The following CDH12 variants were observed in gnomAD, a reference collection of about 807,000 sequenced individuals.
CDH12 encodes the protein cadherin-12.
A neutral mutation model predicts 74.1 loss-of-function variants in CDH12; 41 were observed. That is an observed-to-expected ratio of 0.55 (90% CI 0.43 to 0.72). The LOEUF is 0.72. Ranked by LOEUF, CDH12 falls within the 30% of genes least tolerant of loss-of-function variation. The pLI is 0.00. For synonymous variants in CDH12, 399 were observed against 355.0 expected (o/e 1.12, Z -1.39); for missense variants, 945 against 977.2 (o/e 0.97, Z 0.44).
chr5:22,058,057 A>T (rs1740876570), intron 5 of CDH12, among the ~76,000 whole-genome samples: 1 of 149,684 alleles, frequency 6.7e-6, no homozygotes, highest in African/African-American at 2.5e-5. Flanking sequence ...TCTATCTTTT[A>T]TTTATTTATT....
chr5:22,717,841 G>C (rs940161934), intron 1 of CDH12, among the ~76,000 whole-genome samples: 1 of 152,058 alleles, frequency 6.6e-6, no homozygotes, highest in African/African-American at 2.4e-5. Flanking sequence ...ATAAGAAAAT[G>C]CTCAAATATT....
At chr5:22,776,805 C>T (rs1747126635) in intron 1 of CDH12, among the ~76,000 whole-genome samples, 2 of 151,846 alleles carry the variant, frequency 1.3e-5, no homozygotes, top group African/African-American at 4.8e-5. Flanking sequence ...TTTTCATTGC[C>T]CAAAACACAA....
At chr5:22,357,615 A>G (rs1349341367) in intron 3 of CDH12, among the ~76,000 whole-genome samples, 2 of 152,330 alleles carry the variant, frequency 1.3e-5, no homozygotes, top group East Asian at 3.9e-4. Flanking sequence ...TAATTTAAGT[A>G]AAACGCATTG....
At chr5:22,692,515 GA>G (rs961667710) in intron 1 of CDH12, among the ~76,000 whole-genome samples, 40 of 147,398 alleles carry the variant, frequency 2.7e-4, no homozygotes, top group East Asian at 1.6e-3. Context: ...TTAAAGAGGG[GA>G]AAAAAAAAAG....
At chr5:22,028,957 A>G (rs925556952) in intron 5 of CDH12, among the ~76,000 whole-genome samples, 17 of 152,154 alleles carry the variant, frequency 1.1e-4, no homozygotes, top group Non-Finnish European at 2.2e-4. Flanking sequence ...AAATAACGCC[A>G]CATATCTACA....
Position 22,732,456 on chromosome 5 carries a change from GTATATATA to G in CDH12, c.-523+120594_-523+120601del, listed in dbSNP as rs746288133. Among the ~76,000 whole-genome samples the G allele has an allele frequency of 2.5e-3, 264 of 105,930 alleles. 2 individuals carry two copies. Among genetic ancestry groups the G allele is most frequent in the Middle Eastern group, 0.013 (3 of 228 alleles). The allele number at this position is 105,930 out of a possible 152,430, so 69.5% of individuals were successfully genotyped here. A position where few individuals can be genotyped will look rare whatever the true frequency, so the allele number is the denominator to read the frequency against. On this transcript the variant is annotated intron_variant, in intron 1 of 14. Transcript: ENST00000382254. ...TATATATACATATGTGAATGTGTGT[GTATATATA>G]TATATATACACACACACACACACAC...
chr5:22,398,916 TGTGCAGGGTAC>T (rs1742584897), intron 3 of CDH12, among the ~76,000 whole-genome samples: 1 of 152,116 alleles, frequency 6.6e-6, no homozygotes, highest in South Asian at 2.1e-4. Context: ...GACCCCTCTA[TGTGCAGGGTAC>T]GTTTGGCTTT....
At chr5:22,508,682 T>C (rs1001581158) in intron 1 of CDH12, among the ~76,000 whole-genome samples, 1 of 152,116 alleles carries the variant, frequency 6.6e-6, no homozygotes, top group African/African-American at 2.4e-5. Flanking sequence ...GAATCCCAGG[T>C]CTTTAGACAA....
intron 6 of CDH12, among the ~76,000 whole-genome samples, chr5:21,961,182 TTCTG>T (rs1477357226): frequency 1.3e-5 from 2 of 152,218 alleles, no homozygotes; most frequent in African/African-American, 2.4e-5. Flanking sequence ...TTCTGTTTAG[TTCTG>T]TCTGTTTTTA....
At chr5:21,843,628 C>T (rs907813151) in intron 7 of CDH12, among the ~76,000 whole-genome samples, 35 of 152,048 alleles carry the variant, frequency 2.3e-4, no homozygotes, top group African/African-American at 6.5e-4. Context: ...GATTCTCCTG[C>T]ATCAGCCTCC....
intron 3 of CDH12, among the ~76,000 whole-genome samples, chr5:22,386,315 A>C (rs1375884468): frequency 1.3e-5 from 2 of 152,176 alleles, no homozygotes; most frequent in African/African-American, 2.4e-5. Flanking sequence ...TGGGGATTAC[A>C]ATTCGACATG....
chr5:21,923,103 CT>C (rs34147237), intron 6 of CDH12, among the ~76,000 whole-genome samples: 33,101 of 151,862 alleles, frequency 0.22, 4,113 homozygotes, highest in East Asian at 0.52. Flanking sequence ...TAATATTTTT[CT>C]TGTTGTTTTA....
intron 3 of CDH12, among the ~76,000 whole-genome samples, chr5:22,305,488 G>C (rs1342120276): frequency 6.6e-6 from 1 of 152,140 alleles, no homozygotes; most frequent in African/African-American, 2.4e-5. Flanking sequence ...GAAGTGCCAC[G>C]CTGGCTCCAT....
At chr5:21,902,581 A>G (rs1211338897) in intron 6 of CDH12, among the ~76,000 whole-genome samples, 1 of 152,114 alleles carries the variant, frequency 6.6e-6, no homozygotes, top group Non-Finnish European at 1.5e-5. Context: ...TGAAAAAGAA[A>G]ATATGTTTCT....
chr5:22,459,712 C>T (rs892427442), intron 2 of CDH12, among the ~76,000 whole-genome samples: 8 of 152,092 alleles, frequency 5.3e-5, no homozygotes, highest in African/African-American at 1.4e-4. Flanking sequence ...CAGTGGCTCA[C>T]GCTTGTAATC....
intron 4 of CDH12, among the ~76,000 whole-genome samples, chr5:22,180,308 C>A (rs1040483393): frequency 2.6e-5 from 4 of 152,080 alleles, no homozygotes; most frequent in African/African-American, 9.7e-5. Flanking sequence ...TTAGAGAAAA[C>A]TGGACTTATT....
chr5:22,577,580 G>A (rs1739856557), intron 1 of CDH12, among the ~76,000 whole-genome samples: 1 of 151,864 alleles, frequency 6.6e-6, no homozygotes, highest in Non-Finnish European at 1.5e-5. Flanking sequence ...GGCAGCCCAG[G>A]AGGAAACTAG....
At chr5:22,239,577 A>G (rs892334638) in intron 3 of CDH12, among the ~76,000 whole-genome samples, 2 of 152,192 alleles carry the variant, frequency 1.3e-5, no homozygotes, top group Non-Finnish European at 2.9e-5. Context: ...ATGTAACACT[A>G]AATAGAGGAT....
At chr5:22,709,527 T>C (rs998439801) in intron 1 of CDH12, among the ~76,000 whole-genome samples, 13 of 152,240 alleles carry the variant, frequency 8.5e-5, no homozygotes, top group Non-Finnish European at 1.8e-4. Flanking sequence ...ATCTAATGTG[T>C]ATTTCTGCAC....
Sources: allele counts gnomAD v4.1 joint callset (sites outside exome capture counted in the v4.1 genomes callset), GRCh38; gene constraint gnomAD v4.1.1; transcripts MANE v1.5; gene names NCBI Gene and HGNC (gene_info 2026-07-23, HGNC 2026-07-21).